Variants in NR1I2 observed in about 807,000 individuals in gnomAD.
NR1I2 encodes the protein nuclear receptor subfamily 1 group I member 2.
Under a neutral mutation model 43.3 loss-of-function variants are expected in NR1I2, and 42 were observed. That is an observed-to-expected ratio of 0.97 (90% CI 0.76 to 1.26). NR1I2 has a LOEUF of 1.26. NR1I2 is among the 50% of genes most tolerant of loss of function. The pLI is 0.00. For missense variants in NR1I2, 559 were observed against 566.7 expected (o/e 0.99, Z 0.14); for synonymous variants, 229 against 215.0 (o/e 1.06, Z -0.57).
intron 5 of NR1I2, among the ~76,000 whole-genome samples, chr3:119,813,382 G>A (rs570042707): frequency 1.8e-4 from 27 of 152,306 alleles, no homozygotes; most frequent in Admixed American, 1.7e-3. Flanking sequence ...AAGGCCATGG[G>A]GAGGGCGGGT....
intron 1 of NR1I2, chr3:119,782,983 G>A: frequency 1.3e-6 from 1 of 771,862 alleles, no homozygotes; most frequent in Non-Finnish European, 2.3e-6. Flanking sequence ...GCTATGGCCA[G>A]AGGCACTGCT....
chr3:119,810,015 C>T, intron 2 of NR1I2, 46 bp from the exon 3 acceptor site: 1 of 1,612,588 alleles, frequency 6.2e-7, no homozygotes, highest in South Asian at 1.1e-5. Flanking sequence ...AGGCCGAGGG[C>T]CCGGGCACCC....
At position 119,784,051 on chromosome 3, in the gene NR1I2, T is replaced by C. The variant is rs566544451; in HGVS notation, c.-23+1751T>C. On this transcript the variant is annotated intron_variant, in intron 1 of 8. Transcript: ENST00000393716. ...CACTGTGTTTGTCTGCTTCTAGACA[T>C]GTGCACGTATTGCACTAGAGGAACT... 1.4e-4 allele frequency among the ~76,000 whole-genome samples: 22 copies of C among 152,364 alleles called. No individual in the cohort carries two copies. In the South Asian group the frequency reaches 4.3e-3, roughly 30 times the overall value.
chr3:119,792,408 A>C (rs1460601404), intron 1 of NR1I2: 4 of 1,267,020 alleles, frequency 3.2e-6, no homozygotes, highest in Non-Finnish European at 4.6e-6. Context: ...AGAGAGGGCC[A>C]GAACTCACTG....
rs1387203328 is a variant in NR1I2 at position 119,815,714 on chromosome 3, C to T, written c.1055-12C>T. 1.2e-6 allele frequency: 2 copies of T among 1,605,608 alleles called. No homozygotes were observed. The highest frequency in any genetic ancestry group is 1.7e-6 in the Non-Finnish European group (2 of 1,174,368). On this transcript the variant is annotated splice_polypyrimidine_tract_variant and intron_variant, in intron 7 of 8. Transcript: ENST00000393716. ...GCCCCATGATCTTGCACCACACCTC[C>T]CTCCCCTCCAGACCGCCCAGGTGTG...
At chr3:119,792,898 A>T (rs2054941294) in intron 1 of NR1I2, among the ~76,000 whole-genome samples, 1 of 151,982 alleles carries the variant, frequency 6.6e-6, no homozygotes, top group Non-Finnish European at 1.5e-5. Flanking sequence ...AAACAAAAAA[A>T]AAGAAACGTG....
intron 1 of NR1I2, chr3:119,791,907 A>G (rs1001673708): frequency 1.4e-5 from 9 of 638,018 alleles, no homozygotes; most frequent in African/African-American, 1.1e-4. Flanking sequence ...CTTATATAAC[A>G]TGGATGCTGG....
At chr3:119,798,621 CAAAG>C (rs2055031825) in intron 1 of NR1I2, among the ~76,000 whole-genome samples, 1 of 96,810 alleles carries the variant, frequency 1.0e-5, no homozygotes, top group Non-Finnish European at 1.9e-5. Context: ...GCCTGGGCGA[CAAAG>C]AGAGACTCCG....
chr3:119,784,115 G>A (rs891730203), intron 1 of NR1I2, among the ~76,000 whole-genome samples: 9 of 152,174 alleles, frequency 5.9e-5, no homozygotes, highest in African/African-American at 2.2e-4. Context: ...GATATATGTG[G>A]TTCAATTTTT....
intron 1 of NR1I2, chr3:119,782,584 A>G (rs935933110): frequency 1.3e-5 from 8 of 605,628 alleles, no homozygotes; most frequent in African/African-American, 9.2e-5. Context: ...GAGTTACCAC[A>G]AGTCACACAT....
Position 119,817,673 on chromosome 3 carries a change from C to T in NR1I2, c.*461C>T, listed in dbSNP as rs1443854331. On this transcript the variant is annotated 3_prime_UTR_variant, in exon 9 of 9. Transcript: ENST00000393716. ...TCTAATAGTCCTGTCTCCCACTTCC[C>T]ACTCGTTCCCCTCCTCTTCCGAGCT... The T allele has an allele frequency of 5.4e-6, 6 of 1,116,140 alleles. No individual in the cohort carries two copies. The East Asian group carries it at 3.9e-4, about 73-fold the overall frequency. The allele number at this position is 1,116,140 out of a possible 1,614,324, so 69.1% of individuals were successfully genotyped here. A position where few individuals can be genotyped will look rare whatever the true frequency, so the allele number is the denominator to read the frequency against.
At chr3:119,811,757 T>C in intron 4 of NR1I2, 31 bp downstream of exon 4, 1 of 1,567,116 alleles carries the variant, frequency 6.4e-7, no homozygotes, top group Non-Finnish European at 8.7e-7. Flanking sequence ...ACCCGAGGTG[T>C]CACTGCCATC....
Position 119,815,832 on chromosome 3 carries a change from G to A in NR1I2, c.1160+1G>A. ...GCAATCGGCCCCAGCCTGCTCATAG[G>A]TGAGCACAGCAGGGGGTGAGGACCC... On this transcript the variant is annotated splice_donor_variant, in intron 8 of 8. Transcript: ENST00000393716. LOFTEE classifies it high-confidence loss of function. 2 of 1,602,072 alleles carry A rather than the reference G, an allele frequency of 1.2e-6. No homozygotes were observed. Among genetic ancestry groups the A allele is most frequent in the Non-Finnish European group, 1.7e-6 (2 of 1,172,682 alleles).
In NR1I2 at chr3:119,795,337, AG is replaced by A. The variant is rs1368853831; in HGVS notation, c.-22-11889del. ...GGGTGGGGCAGGAGAGGGACATAAA[AG>A]GGCTCTGAGGCATTGTACTGTGAAT... On this transcript the variant is annotated intron_variant, in intron 1 of 8. Transcript: ENST00000393716. Among the ~76,000 whole-genome samples, 3 of 152,142 alleles carry A rather than the reference AG, an allele frequency of 2.0e-5. No individual in the cohort carries two copies. The East Asian group carries it at 5.8e-4, about 29-fold the overall frequency.
chr3:119,816,049 C>A (rs1175221662), intron 8 of NR1I2, among the ~76,000 whole-genome samples: 1 of 152,246 alleles, frequency 6.6e-6, no homozygotes, highest in Non-Finnish European at 1.5e-5. Flanking sequence ...TATACCTTCA[C>A]TGGTCCTCAG....
At chr3:119,812,031 A>G (rs2055251192) in intron 4 of NR1I2, among the ~76,000 whole-genome samples, 1 of 152,184 alleles carries the variant, frequency 6.6e-6, no homozygotes, top group South Asian at 2.1e-4. Flanking sequence ...TTGCAGGTTC[A>G]GGTTTGAAAA....
intron 1 of NR1I2, among the ~76,000 whole-genome samples, chr3:119,797,513 A>T (rs143158836): frequency 6.6e-6 from 1 of 152,188 alleles, no homozygotes; most frequent in Non-Finnish European, 1.5e-5. Flanking sequence ...GAGGAAATAC[A>T]GACAATTATA....
intron 1 of NR1I2, among the ~76,000 whole-genome samples, chr3:119,802,121 G>A (rs1202900774): frequency 4.6e-5 from 7 of 152,146 alleles, no homozygotes; most frequent in Non-Finnish European, 7.4e-5. Context: ...TGAATCTTTC[G>A]GGGCATGGCT....
intron 8 of NR1I2, 36 bp from the exon 9 acceptor site, chr3:119,817,032 G>A (rs1414816849): frequency 6.2e-7 from 1 of 1,613,872 alleles, no homozygotes; most frequent in Non-Finnish European, 8.5e-7. Context: ...GTCAGGGCGG[G>A]CTGCACCCAC....
Sources: allele counts gnomAD v4.1 joint callset (sites outside exome capture counted in the v4.1 genomes callset), GRCh38; gene constraint gnomAD v4.1.1; transcripts MANE v1.5; gene names NCBI Gene and HGNC (gene_info 2026-07-23, HGNC 2026-07-21).